The following PACS2 variants were observed in gnomAD, a reference collection of about 807,000 sequenced individuals.
PACS2 encodes phosphofurin acidic cluster sorting protein 2.
PACS2 carries 36 observed loss-of-function variants against 113.0 expected under a neutral mutation model. The ratio of observed to expected loss-of-function variants is 0.32; its 90% CI spans 0.24 to 0.42. PACS2 has a LOEUF of 0.42. Ranked by LOEUF, PACS2 falls within the 10% of genes least tolerant of loss-of-function variation. The probability of loss-of-function intolerance (pLI) is 1.00; values close to 1 mark genes in which losing one functional copy is unlikely to be tolerated. For missense variants in PACS2, 1,015 were observed against 1,239.5 expected (o/e 0.82, Z 2.72); for synonymous variants, 589 against 536.1 (o/e 1.10, Z -1.36).
Position 105,390,011 on chromosome 14 carries a change from C to T in PACS2, c.2076+8C>T, listed in dbSNP as rs199646307. The T allele has an allele frequency of 4.2e-5, 67 of 1,613,062 alleles. No homozygotes were observed. Among genetic ancestry groups the T allele is most frequent in the Non-Finnish European group, 5.5e-5 (65 of 1,179,198 alleles). Reference sequence around the variant, plus strand: ...TTCATTCCCTTTGTCGGGGTGAGTACTGGCCAGCTTTATGTGATGGGAAAC... The same window carrying T: ...TTCATTCCCTTTGTCGGGGTGAGTATTGGCCAGCTTTATGTGATGGGAAAC... On this transcript the variant is annotated splice_region_variant and intron_variant, in intron 20 of 24. Coordinates refer to ENST00000447393, the MANE Select transcript of PACS2 (RefSeq NM_001100913.3).
chr14:105,320,133 A>G (rs150319500), intron 1 of PACS2, among the ~76,000 whole-genome samples: 1 of 151,656 alleles, frequency 6.6e-6, no homozygotes, highest in East Asian at 2.0e-4. Context: ...GTGCACCACC[A>G]CGCCCAGCGA....
In PACS2 at chr14:105,315,666, G is replaced by A. The variant is rs769806651; in HGVS notation, c.119+629G>A. 2.6e-5 allele frequency: 4 copies of A among 152,302 alleles called. No individual in the cohort carries two copies. Among genetic ancestry groups the A allele is most frequent in the Non-Finnish European group, 2.9e-5 (2 of 68,082 alleles). The allele number at this position is 152,302 out of a possible 1,614,324, so 9.4% of individuals were successfully genotyped here. On this transcript the variant is annotated intron_variant, in intron 1 of 24. Transcript: ENST00000447393. This position sits in a 1 kb window ranked among gnomAD's most constrained non-coding sequence, Gnocchi z 4.4. Reference sequence around the variant, plus strand: ...CTGGCTGTTCTGCACTTGGTAGGGGGGCGCCCGGTCGCCCAGCGGTAACGA... The same window carrying A: ...CTGGCTGTTCTGCACTTGGTAGGGGAGCGCCCGGTCGCCCAGCGGTAACGA...
At chr14:105,384,270 G>A (rs1282233701) in intron 16 of PACS2, 83 bp from the exon 17 acceptor site, 8 of 784,478 alleles carry the variant, frequency 1.0e-5, no homozygotes, top group Non-Finnish European at 1.7e-5. Context: ...CCTGGGGTCG[G>A]GTGGCCCAGC....
chr14:105,393,232 G>A lies in PACS2; in HGVS notation c.2493G>A (p.Leu831=). The change falls in exon 24 of 25, where the codon CTG becomes CTA. Residue 831 remains leucine, a synonymous_variant. Coordinates refer to ENST00000447393, the MANE Select transcript of PACS2 (RefSeq NM_001100913.3). Reference sequence around the variant, plus strand: ...CTTTTCTCCTCCCAGTGATGTTTCTGCCCAAGAAAGCGAAGGACAAGGACG... The same window carrying A: ...CTTTTCTCCTCCCAGTGATGTTTCTACCCAAGAAAGCGAAGGACAAGGACG... ...TKEKNKKVMF[L]PKKAKDKDVE... is the part of the protein sequence containing the mutation. 6.2e-7 allele frequency: 1 copy of A among 1,612,502 alleles called. No individual in the cohort carries two copies. Among genetic ancestry groups the A allele is most frequent in the Non-Finnish European group, 8.5e-7 (1 of 1,179,574 alleles).
In PACS2 at chr14:105,314,854, GCCCGCCGCGCGTCCGCGGC is replaced by G. The variant is rs1399258058; in HGVS notation, c.-62_-44del. 9 of 750,838 alleles carry G rather than the reference GCCCGCCGCGCGTCCGCGGC, an allele frequency of 1.2e-5. No individual in the cohort carries two copies. Among genetic ancestry groups the G allele is most frequent in the Admixed American group, 1.3e-4 (2 of 15,136 alleles). 46.5% of individuals were successfully genotyped at this position (750,838 alleles called of 1,614,324 possible). A position where few individuals can be genotyped will look rare whatever the true frequency, so the allele number is the denominator to read the frequency against. On this transcript the variant is annotated 5_prime_UTR_variant, in exon 1 of 25. Transcript: ENST00000447393. ...CCGCCGCCCTCCGCGCGCCCGGCCC[GCCCGCCGCGCGTCCGCGGC>G]CCGGCCGCAGCCCCAGGCCGCCGAG...
chr14:105,391,851 T>C, intron 22 of PACS2, 85 bp downstream of exon 22: 2 of 1,356,910 alleles, frequency 1.5e-6, no homozygotes, highest in Non-Finnish European at 2.0e-6. Flanking sequence ...CTATGTCACA[T>C]CCACCTCCCA....
rs587610730 is a variant in PACS2, at chr14:105,368,488, G to C, written c.690G>C (p.Gly230=). 6.2e-7 allele frequency: 1 copy of C among 1,614,082 alleles called. No individual in the cohort carries two copies. Among genetic ancestry groups the C allele is most frequent in the Non-Finnish European group, 8.5e-7 (1 of 1,179,984 alleles). ...QDLDEDDFDV[G]KPKKQRRSIV... ...TGGACGAGGACGACTTTGACGTGGG[G>C]AAGCCGAAGAAGCAGCGGAGATCGA... The change falls in exon 7 of 25, where the codon GGG becomes GGC. Residue 230 remains glycine (G), a synonymous_variant. Coordinates refer to ENST00000447393, the MANE Select transcript of PACS2 (RefSeq NM_001100913.3).
chr14:105,375,665 G>C (rs2061329206), intron 8 of PACS2, among the ~76,000 whole-genome samples: 2 of 152,276 alleles, frequency 1.3e-5, no homozygotes, highest in South Asian at 4.1e-4. Flanking sequence ...AAATGCAACA[G>C]GGTGAGGTGT....
At chr14:105,343,962 A>G (rs1418102704) in intron 1 of PACS2, among the ~76,000 whole-genome samples, 1 of 147,764 alleles carries the variant, frequency 6.8e-6, no homozygotes. Context: ...GTGGTGGCTC[A>G]TGCCTATAAT....
chr14:105,393,352 C>G lies in PACS2; in HGVS notation c.2596+17C>G, dbSNP rs2081425892. Reference sequence around the variant, plus strand: ...TGCTGCGGGGTGAGCACCACCGGCCCCGGGGTCTGTAGAGTGGGACGTAGG... The same window carrying G: ...TGCTGCGGGGTGAGCACCACCGGCCGCGGGGTCTGTAGAGTGGGACGTAGG... On this transcript the variant is annotated intron_variant, in intron 24 of 24. Transcript: ENST00000447393. 6.3e-7 allele frequency: 1 copy of G among 1,577,308 alleles called. No individual in the cohort carries two copies. Among genetic ancestry groups the G allele is most frequent in the Admixed American group, 1.7e-5 (1 of 59,568 alleles).
intron 19 of PACS2, 162 bp from the exon 20 acceptor site, chr14:105,389,799 A>G: frequency 1.5e-6 from 1 of 684,404 alleles, no homozygotes; most frequent in Non-Finnish European, 2.7e-6. Context: ...GTGGTTGGAG[A>G]TGGGTGGGGC....
In PACS2 at chr14:105,314,947, C is replaced by G; in HGVS notation, c.29C>G (p.Pro10Arg). The G allele has an allele frequency of 1.7e-6, 2 of 1,170,748 alleles. No homozygotes were observed. The highest frequency in any genetic ancestry group is 2.2e-6 in the Non-Finnish European group (2 of 929,274). The allele number at this position is 1,170,748 out of a possible 1,614,324, so 72.5% of individuals were successfully genotyped here. Residue 10 changes from proline to arginine, a missense_variant, in exon 1 of 25, where the codon CCC (proline) becomes CGC (arginine). By Grantham distance (103) the Pro-to-Arg change is moderately radical. Around this residue, in one of 3 missense-constraint regions of PACS2, gnomAD observed 140 missense variants for 135.1 expected, o/e 1.04. Coordinates refer to ENST00000447393, the MANE Select transcript of PACS2 (RefSeq NM_001100913.3). ...GCCGAGCGAGGCCGCCTCGGCCTCC[C>G]CGGCGCGCCCGGCGCGCTCAACACG... Reference protein sequence around the residue: MAERGRLGLPGAPGALNTPV... With the variant: MAERGRLGLRGAPGALNTPV...
At chr14:105,350,209 G>T (rs2060116577) in intron 2 of PACS2, among the ~76,000 whole-genome samples, 1 of 152,138 alleles carries the variant, frequency 6.6e-6, no homozygotes, top group Non-Finnish European at 1.5e-5. Flanking sequence ...TTGCCACCAG[G>T]CCGTGAGGCT....
At chr14:105,335,735 C>T (rs2059491228) in intron 1 of PACS2, among the ~76,000 whole-genome samples, 1 of 152,240 alleles carries the variant, frequency 6.6e-6, no homozygotes, top group Non-Finnish European at 1.5e-5. Flanking sequence ...GCACCCTGAC[C>T]TTCTGTCCTC....
chr14:105,380,745 G>A (rs1231193298), intron 11 of PACS2, among the ~76,000 whole-genome samples: 1 of 152,226 alleles, frequency 6.6e-6, no homozygotes, highest in Non-Finnish European at 1.5e-5. Flanking sequence ...GGGAGGTTGG[G>A]GGCTGGTCAC....
intron 4 of PACS2, among the ~76,000 whole-genome samples, chr14:105,364,017 T>C (rs2060829814): frequency 1.3e-5 from 2 of 152,212 alleles, no homozygotes; most frequent in Non-Finnish European, 2.9e-5. Flanking sequence ...TGGGTGATGT[T>C]CGTGGTGCCC....
At chr14:105,389,903 C>T (rs1224135068) in intron 19 of PACS2, 58 bp from the exon 20 acceptor site, 3 of 1,487,706 alleles carry the variant, frequency 2.0e-6, no homozygotes, top group Non-Finnish European at 2.8e-6. Context: ...GGGAGCTGTG[C>T]CCACCAGGCG....
intron 11 of PACS2, among the ~76,000 whole-genome samples, chr14:105,380,679 C>T (rs1385089877): frequency 6.6e-6 from 1 of 152,188 alleles, no homozygotes; most frequent in Admixed American, 6.5e-5. Context: ...CCCCCTGCTG[C>T]GTTGCATGGG....
intron 4 of PACS2, among the ~76,000 whole-genome samples, chr14:105,359,409 G>A (rs960609739): frequency 2.0e-5 from 3 of 151,592 alleles, no homozygotes. Context: ...CCGGGTTCAA[G>A]TGATTCTCCT....
Sources: allele counts gnomAD v4.1 joint callset (sites outside exome capture counted in the v4.1 genomes callset), GRCh38; gene constraint gnomAD v4.1.1; regional missense constraint gnomAD v4.1.1; non-coding constraint Gnocchi (gnomAD v3.1); transcripts MANE v1.5; gene names NCBI Gene and HGNC (gene_info 2026-07-23, HGNC 2026-07-21).